CRACD: variants seen among roughly 807,000 people sequenced by gnomAD.
The protein encoded by CRACD is capping protein inhibiting regulator of actin dynamics.
In CRACD, 56 loss-of-function variants were observed where a neutral mutation model predicts 106.8. The ratio of observed to expected loss-of-function variants is 0.52; its 90% CI spans 0.42 to 0.66. CRACD has a LOEUF of 0.66. Ranked by LOEUF, CRACD falls within the 30% of genes least tolerant of loss-of-function variation. The pLI is 0.00. For synonymous variants in CRACD, 754 were observed against 670.8 expected, an observed-to-expected ratio of 1.12 and a Z score of -1.92; for missense variants, 1,730 against 1,623.2, an observed-to-expected ratio of 1.07 and a Z score of -1.13.
chr4:56,272,702 G>A (rs1305861359), intron 3 of CRACD, among the ~76,000 whole-genome samples: 1 of 152,006 alleles, frequency 6.6e-6, no homozygotes, highest in Non-Finnish European at 1.5e-5. Flanking sequence ...ACCAGCCTAG[G>A]CGACATGGGG....
chr4:56,067,055 G>C (rs1732487433), intron 1 of CRACD, among the ~76,000 whole-genome samples: 1 of 152,112 alleles, frequency 6.6e-6, no homozygotes, highest in Non-Finnish European at 1.5e-5. Flanking sequence ...AGGGAAAGTT[G>C]CAAAATAGAA....
rs376494791 is a variant in CRACD at position 56,192,568 on chromosome 4, C to T, written c.-189+13138C>T. ...GTGGGAAGAGGTTCATGATGAGGAACAGTAGAGAAATGAAATGAGTTGAAA... is the reference window on the plus strand; with the variant it reads ...GTGGGAAGAGGTTCATGATGAGGAATAGTAGAGAAATGAAATGAGTTGAAA... On this transcript the variant is annotated intron_variant, in intron 2 of 10. Coordinates refer to ENST00000682029, the MANE Select transcript of CRACD (RefSeq NM_001393381.1). Among the ~76,000 whole-genome samples the T allele has an allele frequency of 1.6e-4, 24 of 151,670 alleles. No individual in the cohort carries two copies. The South Asian group carries it at 4.8e-3, about 30-fold the overall frequency.
intron 1 of CRACD, among the ~76,000 whole-genome samples, chr4:56,053,744 G>A (rs1055360120): frequency 6.6e-6 from 1 of 152,132 alleles, no homozygotes; most frequent in Non-Finnish European, 1.5e-5. Flanking sequence ...TAAGGTTAGT[G>A]TTTTCAAAGC....
At chr4:56,277,446 A>G (rs904209198) in intron 3 of CRACD, among the ~76,000 whole-genome samples, 2 of 123,130 alleles carry the variant, frequency 1.6e-5, no homozygotes, top group African/African-American at 3.6e-5. Flanking sequence ...ACATCCTTTC[A>G]TGATTTATAA....
intron 1 of CRACD, among the ~76,000 whole-genome samples, chr4:56,102,579 A>G (rs1239867550): frequency 6.6e-6 from 1 of 152,248 alleles, no homozygotes; most frequent in Non-Finnish European, 1.5e-5. Flanking sequence ...GTCCAGGCCT[A>G]GAATGACAGA....
chr4:56,287,277 A>ACC (rs1743424603), intron 3 of CRACD, among the ~76,000 whole-genome samples: 1 of 150,604 alleles, frequency 6.6e-6, no homozygotes, highest in South Asian at 2.1e-4. Flanking sequence ...AATGTGCAGC[A>ACC]CTATACTTGG....
chr4:56,216,717 AC>A (rs1264158668), intron 2 of CRACD, among the ~76,000 whole-genome samples: 2 of 151,876 alleles, frequency 1.3e-5, no homozygotes, highest in Non-Finnish European at 2.9e-5. Context: ...GCGGTGGCTC[AC>A]GCCTGTAATC....
chr4:56,250,359 A>C (rs1228838328), intron 2 of CRACD, among the ~76,000 whole-genome samples: 1 of 152,174 alleles, frequency 6.6e-6, no homozygotes, highest in Non-Finnish European at 1.5e-5. Context: ...TTTTTGCTGG[A>C]CATTCTACTA....
intron 1 of CRACD, among the ~76,000 whole-genome samples, chr4:56,110,854 C>T (rs1414544488): frequency 6.6e-6 from 1 of 152,070 alleles, no homozygotes; most frequent in Non-Finnish European, 1.5e-5. Context: ...GCCTTGGCCT[C>T]CCAAAGTGCT....
At chr4:56,117,151 A>G (rs1436076872) in intron 1 of CRACD, among the ~76,000 whole-genome samples, 1 of 151,198 alleles carries the variant, frequency 6.6e-6, no homozygotes, top group Admixed American at 6.6e-5. Flanking sequence ...CTCCTGAGTA[A>G]CTGGGACTAC....
At chr4:56,231,737 G>A (rs1001927080) in intron 2 of CRACD, among the ~76,000 whole-genome samples, 2 of 152,138 alleles carry the variant, frequency 1.3e-5, no homozygotes, top group African/African-American at 4.8e-5. Context: ...GTCAGGATAG[G>A]GAGCATGAGA....
chr4:56,298,082 C>T, intron 3 of CRACD, 132 bp from the exon 4 acceptor site: 1 of 982,182 alleles, frequency 1.0e-6, no homozygotes. Flanking sequence ...CAGACAGGGA[C>T]ACAATGCTGA....
At chr4:56,101,998 A>G (rs1733790099) in intron 1 of CRACD, among the ~76,000 whole-genome samples, 1 of 152,086 alleles carries the variant, frequency 6.6e-6, no homozygotes, top group East Asian at 1.9e-4. Context: ...TCTTGCTGAT[A>G]TTTAGGCTGT....
In CRACD at chr4:56,229,626, A is replaced by G. The variant is rs74523209; in HGVS notation, c.-188-42695A>G. 1.3e-3 allele frequency among the ~76,000 whole-genome samples: 198 copies of G among 152,342 alleles called. 1 individual carries two copies. The East Asian group carries it at 0.021, about 16-fold the overall frequency. On this transcript the variant is annotated intron_variant, in intron 2 of 10. Coordinates refer to ENST00000682029, the MANE Select transcript of CRACD (RefSeq NM_001393381.1). Reference sequence around the variant, plus strand: ...CCAACTGAGGAATAACTCAAGCACAATAAGAAATCCACAGTAAAACTGTAT... The same window carrying G: ...CCAACTGAGGAATAACTCAAGCACAGTAAGAAATCCACAGTAAAACTGTAT...
chr4:56,104,769 C>T (rs1733889142), intron 1 of CRACD, among the ~76,000 whole-genome samples: 1 of 151,896 alleles, frequency 6.6e-6, no homozygotes, highest in Non-Finnish European at 1.5e-5. Context: ...AGATCGAGAC[C>T]ATCCTGGCTA....
Position 56,298,366 on chromosome 4 carries a change from G to A in CRACD, c.120+17G>A, listed in dbSNP as rs1160471985. ...ACTCTTCAGGTAAGACAGCTTGAGA[G>A]TGGAATTACGAGCCATAGGAGGGGC... On this transcript the variant is annotated intron_variant, in intron 4 of 10. Transcript: ENST00000682029. 2 of 1,613,094 alleles carry A rather than the reference G, an allele frequency of 1.2e-6. No homozygotes were observed. Among genetic ancestry groups the A allele is most frequent in the Admixed American group, 1.7e-5 (1 of 59,852 alleles).
chr4:56,081,932 G>A (rs1337482984), intron 1 of CRACD, among the ~76,000 whole-genome samples: 4 of 152,000 alleles, frequency 2.6e-5, no homozygotes, highest in Non-Finnish European at 4.4e-5. Context: ...CTGAGATTGA[G>A]CCATTGTATT....
At chr4:56,240,437 G>A (rs1404968598) in intron 2 of CRACD, among the ~76,000 whole-genome samples, 1 of 152,060 alleles carries the variant, frequency 6.6e-6, no homozygotes, top group Non-Finnish European at 1.5e-5. Context: ...CTGGCATTAG[G>A]AGGGCATCAC....
chr4:56,066,740 A>G (rs951624517), intron 1 of CRACD, among the ~76,000 whole-genome samples: 1 of 152,086 alleles, frequency 6.6e-6, no homozygotes, highest in Non-Finnish European at 1.5e-5. Context: ...ACCACACCAC[A>G]CAGACAGTAC....
Sources: gnomAD v4.1 joint callset for allele counts (sites outside exome capture counted in the v4.1 genomes callset) on GRCh38, gnomAD v4.1.1 for gene constraint, MANE v1.5 for transcripts, NCBI Gene and HGNC (gene_info 2026-07-23, HGNC 2026-07-21) for gene names.